Variants in TNRC6A observed in about 807,000 individuals in gnomAD.
TNRC6A encodes the protein trinucleotide repeat-containing gene 6A protein.
Under a neutral mutation model 221.2 loss-of-function variants are expected in TNRC6A, and 44 were observed. That is an observed-to-expected ratio of 0.20 (90% CI 0.16 to 0.26). The LOEUF (loss-of-function observed/expected upper bound fraction) is 0.26. Ranked by LOEUF, TNRC6A falls within the 10% of genes least tolerant of loss-of-function variation. The pLI, the probability that TNRC6A is intolerant of heterozygous loss-of-function variation, is 1.00. For missense variants in TNRC6A, 2,199 were observed against 2,404.4 expected (o/e 0.91, Z 1.79); for synonymous variants, 847 against 838.5 (o/e 1.01, Z -0.18).
In TNRC6A at chr16:24,816,976, C is replaced by G; in HGVS notation, c.4972+20C>G. On this transcript the variant is annotated intron_variant, in intron 20 of 24. Coordinates refer to ENST00000395799, the MANE Select transcript of TNRC6A (RefSeq NM_014494.4). The stretch of plus-strand genomic sequence containing the variant: ...ACAGTGGTACGTAGGGGGTGCAAAT[C>G]AATTTCTGAGTGACACTTAACACAG... The G allele has an allele frequency of 6.2e-7, 1 of 1,605,388 alleles. No individual in the cohort carries two copies. The highest frequency in any genetic ancestry group is 1.1e-5 in the South Asian group (1 of 89,334).
At chr16:24,701,985 A>G (rs1351240532) in intron 2 of TNRC6A, among the ~76,000 whole-genome samples, 1 of 151,288 alleles carries the variant, frequency 6.6e-6, no homozygotes, top group East Asian at 1.9e-4. Context: ...AAAAAAAACA[A>G]AAACAAAAAA....
At chr16:24,708,230 G>T (rs1416741152) in intron 2 of TNRC6A, among the ~76,000 whole-genome samples, 6 of 145,458 alleles carry the variant, frequency 4.1e-5, no homozygotes, top group Admixed American at 7.2e-5. Context: ...GGTGGTTTTT[G>T]ATTACATGGA....
At position 24,781,043 on chromosome 16, in the gene TNRC6A, C is replaced by CTTTTTTTTTTTTTTTTT. The variant is rs35502747; in HGVS notation, c.589+3694_589+3710dup. 2.2e-4 allele frequency among the ~76,000 whole-genome samples: 12 copies of CTTTTTTTTTTTTTTTTT among 53,426 alleles called. 2 individuals are homozygous for CTTTTTTTTTTTTTTTTT. Among genetic ancestry groups the CTTTTTTTTTTTTTTTTT allele is most frequent in the African/African-American group, 1.1e-3 (12 of 11,320 alleles). 35.0% of individuals were successfully genotyped at this position (53,426 alleles called of 152,430 possible). A position where few individuals can be genotyped will look rare whatever the true frequency, so the allele number is the denominator to read the frequency against. On this transcript the variant is annotated intron_variant, in intron 5 of 24. Coordinates refer to ENST00000395799, the MANE Select transcript of TNRC6A (RefSeq NM_014494.4). Reference sequence around the variant, plus strand: ...AAAAATTTTCTTAAGCCTCCATACTCTTTTTTTTTTTTTTTTTTTTTTTTT... The same window carrying CTTTTTTTTTTTTTTTTT: ...AAAAATTTTCTTAAGCCTCCATACTCTTTTTTTTTTTTTTTTTTTTTTTTTTTTTTTTTTTTTTTTTT...
intron 2 of TNRC6A, among the ~76,000 whole-genome samples, chr16:24,717,979 T>C (rs1438796957): frequency 6.6e-6 from 1 of 151,982 alleles, no homozygotes; most frequent in Non-Finnish European, 1.5e-5. Flanking sequence ...GGGTTTCCCA[T>C]GTTGGCCAGG....
Position 24,666,639 on chromosome 16 carries a change from GAAAAAAAAAAAAAAA to G in TNRC6A, n.402+25646_402+25660del, listed in dbSNP as rs1164353374. 5.4e-4 allele frequency among the ~76,000 whole-genome samples: 17 copies of G among 31,508 alleles called. No homozygotes were observed. In the Admixed American group the frequency reaches 6.0e-3, roughly 11 times the overall value. The allele number at this position is 31,508 out of a possible 152,430, so 20.7% of individuals were successfully genotyped here. On this transcript the variant is annotated intron_variant and non_coding_transcript_variant, in intron 2 of 2. Transcript: ENST00000566108. ...TGACAGAGCAAGACCCTGTCTTAGA[GAAAAAAAAAAAAAAA>G]AAAAAAAAAAAAAAATATATATATA...
intron 2 of TNRC6A, among the ~76,000 whole-genome samples, chr16:24,672,269 A>C (rs555126131): frequency 1.5e-3 from 234 of 151,458 alleles, no homozygotes; most frequent in Non-Finnish European, 2.7e-3. Context: ...CTACAGGCGC[A>C]CGCCGCCACG....
At chr16:24,658,563 T>A (rs1299641620) in intron 2 of TNRC6A, among the ~76,000 whole-genome samples, 1 of 152,090 alleles carries the variant, frequency 6.6e-6, no homozygotes, top group East Asian at 1.9e-4. Context: ...GGTTTCACCA[T>A]GTTGGCCAGG....
intron 2 of TNRC6A, chr16:24,664,021 A>G (rs1221807967): frequency 2.2e-6 from 1 of 446,544 alleles, no homozygotes; most frequent in Non-Finnish European, 4.5e-6. Context: ...TGAACAGAAG[A>G]GAAGGGGAAA....
chr16:24,642,318 T>A (rs567959254), intron 2 of TNRC6A, among the ~76,000 whole-genome samples: 1 of 152,226 alleles, frequency 6.6e-6, no homozygotes, highest in South Asian at 2.1e-4. Flanking sequence ...TCTGAGAGCA[T>A]CTGACGCCTG....
At chr16:24,724,471 C>T (rs542512745) in intron 2 of TNRC6A, among the ~76,000 whole-genome samples, 1 of 152,216 alleles carries the variant, frequency 6.6e-6, no homozygotes, top group South Asian at 2.1e-4. Flanking sequence ...CTTGGCTGTG[C>T]GTGGTGGCTC....
At chr16:24,754,245 A>T (rs1445319561) in intron 3 of TNRC6A, among the ~76,000 whole-genome samples, 7 of 152,126 alleles carry the variant, frequency 4.6e-5, no homozygotes, top group Admixed American at 3.3e-4. Context: ...TTAGACACCG[A>T]CGAGCCTTAC....
At chr16:24,821,067 TAGAC>T (rs1261457070) in intron 22 of TNRC6A, among the ~76,000 whole-genome samples, 2 of 152,260 alleles carry the variant, frequency 1.3e-5, no homozygotes, top group Non-Finnish European at 2.9e-5. Flanking sequence ...TTCTGATCTT[TAGAC>T]AGGTGATTGG....
intron 2 of TNRC6A, chr16:24,664,774 C>T: frequency 3.6e-6 from 1 of 277,388 alleles, no homozygotes; most frequent in Non-Finnish European, 6.3e-6. Context: ...CCAAATCACA[C>T]ACACACACAC....
intron 2 of TNRC6A, among the ~76,000 whole-genome samples, chr16:24,703,712 T>C (rs2056034379): frequency 6.6e-6 from 1 of 152,220 alleles, no homozygotes; most frequent in Non-Finnish European, 1.5e-5. Context: ...CAAGTTTTTG[T>C]GTGGATATAT....
chr16:24,732,152 A>G (rs544297104), intron 2 of TNRC6A, among the ~76,000 whole-genome samples: 7 of 152,246 alleles, frequency 4.6e-5, no homozygotes, highest in Admixed American at 2.0e-4. Flanking sequence ...TAAGGATCCA[A>G]TGAGAGGGGA....
At chr16:24,730,022 G>A (rs931893618) in intron 1 of TNRC6A, among the ~76,000 whole-genome samples, 176 bp downstream of exon 1, 7 of 147,734 alleles carry the variant, frequency 4.7e-5, no homozygotes, top group African/African-American at 1.7e-4. Context: ...GCCCGGGGGA[G>A]CCTCGCTGCG....
chr16:24,797,066 T>A (rs2058235003), intron 9 of TNRC6A, among the ~76,000 whole-genome samples: 1 of 152,206 alleles, frequency 6.6e-6, no homozygotes, highest in Non-Finnish European at 1.5e-5. Context: ...CATAATTAAA[T>A]TAGGGGTTAA....
Position 24,794,393 on chromosome 16 carries a change from ACTTT to A in TNRC6A, c.3353-149_3353-146del, listed in dbSNP as rs2058175195. On this transcript the variant is annotated intron_variant, in intron 7 of 24. Transcript: ENST00000395799. ...GAAGGTTTAGCTCAGTATAAAACATACTTTCCTTCTGTGCAGATGCAGGAAGGGA... is the reference window on the plus strand; with the variant it reads ...GAAGGTTTAGCTCAGTATAAAACATACCTTCTGTGCAGATGCAGGAAGGGA... The A allele has an allele frequency of 1.8e-5, 12 of 658,038 alleles. No homozygotes were observed. The South Asian group carries it at 3.7e-4, about 20-fold the overall frequency. 40.8% of individuals were successfully genotyped at this position (658,038 alleles called of 1,614,324 possible).
At chr16:24,721,880 G>C (rs1366026365) in intron 2 of TNRC6A, among the ~76,000 whole-genome samples, 3 of 152,176 alleles carry the variant, frequency 2.0e-5, no homozygotes, top group Non-Finnish European at 4.4e-5. Flanking sequence ...TTTAGCAAGA[G>C]GAGTCAAGCC....
Sources: allele counts gnomAD v4.1 joint callset (sites outside exome capture counted in the v4.1 genomes callset), GRCh38; gene constraint gnomAD v4.1.1; transcripts MANE v1.5; gene names NCBI Gene and HGNC (gene_info 2026-07-23, HGNC 2026-07-21).